Variants in ASIC2 observed in about 807,000 individuals in gnomAD.
ASIC2 encodes acid-sensing ion channel 2.
A neutral mutation model predicts 57.3 loss-of-function variants in ASIC2; 25 were observed. That is an observed-to-expected ratio of 0.44 (90% CI 0.32 to 0.61). ASIC2 has a LOEUF of 0.61. Ranked by LOEUF, ASIC2 falls within the 20% of genes least tolerant of loss-of-function variation. The probability of loss-of-function intolerance (pLI) is 0.06; values close to 1 mark genes in which losing one functional copy is unlikely to be tolerated. For synonymous variants in ASIC2, 319 were observed against 307.5 expected (o/e 1.04, Z -0.39); for missense variants, 641 against 738.1 (o/e 0.87, Z 1.52).
At chr17:33,981,682 G>A (rs1223111265) in intron 1 of ASIC2, among the ~76,000 whole-genome samples, 1 of 148,850 alleles carries the variant, frequency 6.7e-6, no homozygotes, top group Non-Finnish European at 1.5e-5. Flanking sequence ...AAGGAAGGAA[G>A]GAAGGAAAGA....
chr17:33,089,085 C>A, intron 2 of ASIC2, 95 bp from the exon 3 acceptor site: 1 of 1,520,328 alleles, frequency 6.6e-7, no homozygotes. Context: ...CTGAAAAGAC[C>A]CTGTGATAAG....
At chr17:33,236,766 A>G (rs1469347718) in intron 1 of ASIC2, among the ~76,000 whole-genome samples, 1 of 152,168 alleles carries the variant, frequency 6.6e-6, no homozygotes, top group African/African-American at 2.4e-5. Context: ...ATATTTGGAC[A>G]CAGAGAGAAA....
At chr17:33,485,627 C>G (rs866284955) in intron 1 of ASIC2, among the ~76,000 whole-genome samples, 21 of 152,280 alleles carry the variant, frequency 1.4e-4, no homozygotes, top group South Asian at 6.2e-4. Context: ...CTATCACCTC[C>G]CCTAAACTCA....
At chr17:33,028,540 T>C (rs111386935) in intron 3 of ASIC2, 148 bp from the exon 4 acceptor site, 1 of 1,077,880 alleles carries the variant, frequency 9.3e-7, no homozygotes, top group Non-Finnish European at 1.3e-6. Flanking sequence ...ACTAGTTTTC[T>C]TACCTTACTT....
chr17:33,023,580 C>G (rs1400959162), intron 6 of ASIC2, among the ~76,000 whole-genome samples: 1 of 152,118 alleles, frequency 6.6e-6, no homozygotes. Context: ...CTCTCCTTCC[C>G]TATGCATCCC....
At position 33,109,302 on chromosome 17, in the gene ASIC2, C is replaced by T. The variant is rs560079465; in HGVS notation, c.859+2615G>A. Among the ~76,000 whole-genome samples, 7 of 152,328 alleles carry T rather than the reference C, an allele frequency of 4.6e-5. No homozygotes were observed. The South Asian group carries it at 1.5e-3, about 32-fold the overall frequency. ...CCACCTTGCAAACACTTGATTGCCACAAGGGGTTAGTGACTAATGTATTGG... is the reference window on the plus strand; with the variant it reads ...CCACCTTGCAAACACTTGATTGCCATAAGGGGTTAGTGACTAATGTATTGG... On this transcript the variant is annotated intron_variant, in intron 2 of 9. Transcript: ENST00000225823.
intron 1 of ASIC2, chr17:33,834,327 C>T (rs1913205857): frequency 6.6e-6 from 1 of 152,228 alleles, no homozygotes; most frequent in Non-Finnish European, 1.5e-5. Flanking sequence ...CATGAGAGCA[C>T]TGTATTTCCC....
chr17:33,204,332 C>T (rs1818151573), intron 1 of ASIC2, among the ~76,000 whole-genome samples: 1 of 152,226 alleles, frequency 6.6e-6, no homozygotes, highest in Admixed American at 6.5e-5. Context: ...TGTCCAGCTG[C>T]TAAGTCAGTG....
intron 1 of ASIC2, among the ~76,000 whole-genome samples, chr17:33,462,427 G>T (rs572781378): frequency 1.5e-4 from 23 of 152,264 alleles, no homozygotes; most frequent in African/African-American, 5.5e-4. Context: ...GGATAAGGTG[G>T]AGGTGATCTG....
chr17:33,720,473 G>A (rs543699649), intron 1 of ASIC2, among the ~76,000 whole-genome samples: 18 of 152,262 alleles, frequency 1.2e-4, no homozygotes, highest in African/African-American at 3.9e-4. Context: ...GCAAGGCAAC[G>A]TTTTAAGTGA....
intron 1 of ASIC2, among the ~76,000 whole-genome samples, chr17:33,373,391 CT>C (rs1304768837): frequency 5.3e-5 from 8 of 152,346 alleles, no homozygotes; most frequent in African/African-American, 1.9e-4. Context: ...GCCAAGCTAA[CT>C]TTCAAAGGAA....
In ASIC2 at chr17:33,077,719, C is replaced by G. The variant is rs113147029; in HGVS notation, c.987+11144G>C. Among the ~76,000 whole-genome samples, 1,052 of 152,198 alleles carry G rather than the reference C, an allele frequency of 6.9e-3. 11 individuals carry two copies. The highest frequency in any genetic ancestry group is 0.024 in the African/African-American group (988 of 41,530). On this transcript the variant is annotated intron_variant, in intron 3 of 9. Coordinates refer to ENST00000225823, the MANE Select transcript of ASIC2 (RefSeq NM_183377.2). ...AACATAAACAAATGCAGGGACTTCT[C>G]CAGTTGTGATGGCTGGGCAATAGTT...
intron 1 of ASIC2, among the ~76,000 whole-genome samples, chr17:33,551,198 A>G (rs1168958271): frequency 6.6e-6 from 1 of 152,226 alleles, no homozygotes; most frequent in Non-Finnish European, 1.5e-5. Context: ...TTCGATGAAT[A>G]TGTATGCTGA....
At chr17:33,349,328 C>G (rs553627642) in intron 1 of ASIC2, among the ~76,000 whole-genome samples, 1 of 152,342 alleles carries the variant, frequency 6.6e-6, no homozygotes, top group East Asian at 1.9e-4. Context: ...TATAACACCA[C>G]TGCTTGTGAT....
intron 3 of ASIC2, among the ~76,000 whole-genome samples, chr17:33,081,276 C>G (rs1025890548): frequency 3.4e-4 from 52 of 152,276 alleles, no homozygotes; most frequent in African/African-American, 1.2e-3. Context: ...TTGGCAAAAT[C>G]GTCTGGGGAT....
intron 1 of ASIC2, among the ~76,000 whole-genome samples, chr17:33,184,222 T>C (rs1906098324): frequency 6.6e-6 from 1 of 152,116 alleles, no homozygotes; most frequent in African/African-American, 2.4e-5. Flanking sequence ...AGAATGAAGG[T>C]GTCCAGCCTG....
intron 1 of ASIC2, among the ~76,000 whole-genome samples, chr17:33,182,416 C>G (rs1178108107): frequency 6.6e-6 from 1 of 152,052 alleles, no homozygotes; most frequent in African/African-American, 2.4e-5. Flanking sequence ...TACCAAAATG[C>G]TATTTGTTGT....
chr17:33,579,405 G>T (rs12949365), intron 1 of ASIC2, among the ~76,000 whole-genome samples: 79,558 of 151,386 alleles, frequency 0.53, 22,019 homozygotes, highest in African/African-American at 0.71. Flanking sequence ...ATTCTGGAGG[G>T]GAAGGTAGAA....
rs1005530282 is a variant in ASIC2 at position 33,025,781 on chromosome 17, A to G, written c.1195+145T>C. On this transcript the variant is annotated intron_variant, in intron 5 of 9. Coordinates refer to ENST00000225823, the MANE Select transcript of ASIC2 (RefSeq NM_183377.2). ...CTCCATCTCCCTCTCCCATCCCTGCAGCAACTCCACCCGACCAGCCCCTTT... is the reference window on the plus strand; with the variant it reads ...CTCCATCTCCCTCTCCCATCCCTGCGGCAACTCCACCCGACCAGCCCCTTT... 12 of 718,454 alleles carry G rather than the reference A, an allele frequency of 1.7e-5. 3 individuals carry two copies. The Admixed American group carries it at 3.9e-4, about 23-fold the overall frequency. The allele number at this position is 718,454 out of a possible 1,614,324, so 44.5% of individuals were successfully genotyped here.
Sources: allele counts gnomAD v4.1 joint callset (sites outside exome capture counted in the v4.1 genomes callset), GRCh38; gene constraint gnomAD v4.1.1; transcripts MANE v1.5; gene names NCBI Gene and HGNC (gene_info 2026-07-23, HGNC 2026-07-21).